The following BAALC variants were observed in gnomAD, a reference collection of about 807,000 sequenced individuals.
The protein encoded by BAALC is BAALC binder of MAP3K1 and KLF4.
Under a neutral mutation model 15.5 loss-of-function variants are expected in BAALC, and 9 were observed. The ratio of observed to expected loss-of-function variants is 0.58; its 90% CI spans 0.35 to 1.02. BAALC has a LOEUF of 1.02. BAALC is among the 50% of genes least tolerant of loss of function. The pLI is 0.02. For synonymous variants in BAALC, 80 were observed against 74.6 expected, an observed-to-expected ratio of 1.07 and a Z score of -0.37; for missense variants, 201 against 192.4, an observed-to-expected ratio of 1.04 and a Z score of -0.27.
At chr8:103,150,146 AT>A (rs1206488874) in intron 1 of BAALC, among the ~76,000 whole-genome samples, 1 of 152,178 alleles carries the variant, frequency 6.6e-6, no homozygotes, top group African/African-American at 2.4e-5. Flanking sequence ...ACTCCCCTTT[AT>A]AAAACCATCG....
chr8:103,175,220 C>T (rs1811581830), intron 1 of BAALC, among the ~76,000 whole-genome samples: 1 of 152,192 alleles, frequency 6.6e-6, no homozygotes, highest in Non-Finnish European at 1.5e-5. Context: ...CTTTCTTTCT[C>T]TCTACACAAC....
chr8:103,176,187 T>C (rs190901584), intron 1 of BAALC, among the ~76,000 whole-genome samples: 7 of 152,284 alleles, frequency 4.6e-5, no homozygotes, highest in African/African-American at 7.2e-5. Flanking sequence ...AAAAGACCTG[T>C]CATTTATTAC....
intron 1 of BAALC, among the ~76,000 whole-genome samples, chr8:103,152,826 G>A (rs1586375121): frequency 6.6e-6 from 1 of 152,182 alleles, no homozygotes; most frequent in Non-Finnish European, 1.5e-5. Flanking sequence ...TTATTGCTCT[G>A]CCATCCTTAG....
intron 1 of BAALC, among the ~76,000 whole-genome samples, chr8:103,167,332 A>C (rs1182885432): frequency 6.6e-6 from 1 of 152,192 alleles, no homozygotes; most frequent in African/African-American, 2.4e-5. Flanking sequence ...TGGAGTTTGC[A>C]GTCTAGAGCA....
intron 2 of BAALC, among the ~76,000 whole-genome samples, chr8:103,225,796 T>G (rs1812795524): frequency 6.6e-6 from 1 of 152,066 alleles, no homozygotes; most frequent in African/African-American, 2.4e-5. Flanking sequence ...GGGTGTGCTG[T>G]GAGCAGTTAG....
chr8:103,173,753 CTA>C (rs1811548256), intron 1 of BAALC, among the ~76,000 whole-genome samples: 1 of 152,122 alleles, frequency 6.6e-6, no homozygotes, highest in Non-Finnish European at 1.5e-5. Flanking sequence ...TTCAATGATT[CTA>C]TGTCTCAAAA....
chr8:103,210,494 C>A (rs1812426216), intron 1 of BAALC, among the ~76,000 whole-genome samples: 1 of 152,246 alleles, frequency 6.6e-6, no homozygotes, highest in Non-Finnish European at 1.5e-5. Flanking sequence ...CCAGTCAACA[C>A]CCTCCCGCCC....
At chr8:103,196,032 AG>A (rs750141991) in intron 1 of BAALC, among the ~76,000 whole-genome samples, 110 of 152,306 alleles carry the variant, frequency 7.2e-4, no homozygotes, top group Non-Finnish European at 9.9e-4. Flanking sequence ...ATGGAGAATT[AG>A]GCCAATTGGG....
At chr8:103,156,784 A>C (rs1046332557) in intron 1 of BAALC, among the ~76,000 whole-genome samples, 5 of 152,210 alleles carry the variant, frequency 3.3e-5, no homozygotes, top group Admixed American at 3.3e-4. Flanking sequence ...CAGCTGATGA[A>C]TGGGTTGCTG....
At chr8:103,163,874 C>G (rs1226685500) in intron 1 of BAALC, among the ~76,000 whole-genome samples, 1 of 152,170 alleles carries the variant, frequency 6.6e-6, no homozygotes, top group Non-Finnish European at 1.5e-5. Flanking sequence ...TATTCTTCAG[C>G]ACCCACCCTA....
Position 103,213,052 on chromosome 8 carries a change from G to A in BAALC, c.294G>A (p.Leu98=), listed in dbSNP as rs1812486853. 1 of 1,614,006 alleles carries A rather than the reference G, an allele frequency of 6.2e-7. No individual in the cohort carries two copies. Among genetic ancestry groups the A allele is most frequent in the East Asian group, 2.2e-5 (1 of 44,854 alleles). Residue 98 remains leucine, a synonymous_variant, in exon 2 of 3, where the codon CTG becomes CTA. Transcript: ENST00000309982. ...PNPQSLSSGP[L]TQKQNGLQTT... is the part of the protein sequence containing the mutation. The stretch of plus-strand genomic sequence containing the variant: ...CCCAGAGCCTCAGCTCAGGCCCTCT[G>A]ACCCAGAAACAGAATGGCCTTCAGA...
chr8:103,141,599 C>T (rs1194381889), intron 1 of BAALC: 1 of 152,508 alleles, frequency 6.6e-6, no homozygotes, highest in South Asian at 2.1e-4. Flanking sequence ...TGAGCCCACT[C>T]GCGGGCTTCA....
At chr8:103,143,171 G>A (rs1810819212) in intron 1 of BAALC, among the ~76,000 whole-genome samples, 1 of 152,114 alleles carries the variant, frequency 6.6e-6, no homozygotes, top group South Asian at 2.1e-4. Context: ...ACTGGGAGCT[G>A]GTCATCTTTA....
chr8:103,154,226 C>G (rs1009725587), intron 1 of BAALC, among the ~76,000 whole-genome samples: 5 of 152,066 alleles, frequency 3.3e-5, no homozygotes, highest in African/African-American at 1.2e-4. Flanking sequence ...TTCCATTTTA[C>G]AGAAGGGGGT....
intron 2 of BAALC, among the ~76,000 whole-genome samples, chr8:103,216,329 A>G (rs947134635): frequency 2.6e-5 from 4 of 152,180 alleles, no homozygotes; most frequent in Non-Finnish European, 5.9e-5. Flanking sequence ...TTTCATAGAC[A>G]TTGACAAATA....
chr8:103,151,023 T>A (rs1301096789), intron 1 of BAALC, among the ~76,000 whole-genome samples: 5 of 149,898 alleles, frequency 3.3e-5, no homozygotes, highest in Admixed American at 1.3e-4. Context: ...AATTTGATTT[T>A]TTTTTTTTTT....
intron 2 of BAALC, among the ~76,000 whole-genome samples, chr8:103,221,633 T>G (rs1812679810): frequency 6.6e-6 from 1 of 152,212 alleles, no homozygotes; most frequent in African/African-American, 2.4e-5. Flanking sequence ...ATGGTGTGAT[T>G]GTTTCTTGTG....
At chr8:103,163,931 C>A (rs1474148752) in intron 1 of BAALC, among the ~76,000 whole-genome samples, 1 of 152,136 alleles carries the variant, frequency 6.6e-6, no homozygotes, top group Non-Finnish European at 1.5e-5. Flanking sequence ...TGGACAAGAC[C>A]AAGATTCTTC....
chr8:103,168,689 G>A (rs1405198179), intron 1 of BAALC, among the ~76,000 whole-genome samples: 2 of 152,020 alleles, frequency 1.3e-5, no homozygotes, highest in African/African-American at 2.4e-5. Context: ...CAGGCTGGCT[G>A]CATACCTCTT....
Sources: gnomAD v4.1 joint callset for allele counts (sites outside exome capture counted in the v4.1 genomes callset) on GRCh38, gnomAD v4.1.1 for gene constraint, MANE v1.5 for transcripts, NCBI Gene and HGNC (gene_info 2026-07-23, HGNC 2026-07-21) for gene names.